Variants in PKHD1 observed in about 807,000 individuals in gnomAD.
The protein encoded by PKHD1 is fibrocystin.
PKHD1 carries 291 observed loss-of-function variants against 412.0 expected under a neutral mutation model. That is an observed-to-expected ratio of 0.71 (90% confidence interval 0.64 to 0.78). The LOEUF is 0.78. PKHD1 is among the 30% of genes least tolerant of loss of function. The pLI is 0.00. For missense variants in PKHD1, 4,825 were observed against 4,950.7 expected (o/e 0.97, Z 0.76); for synonymous variants, 1,777 against 1,821.5 (o/e 0.98, Z 0.62).
At chr6:51,757,768 C>T (rs1787263816) in intron 55 of PKHD1, among the ~76,000 whole-genome samples, 1 of 151,798 alleles carries the variant, frequency 6.6e-6, no homozygotes, top group African/African-American at 2.4e-5. Flanking sequence ...TTTGGGAAGC[C>T]AAGACAGGAA....
At chr6:51,916,446 G>A (rs1309819284) in intron 37 of PKHD1, among the ~76,000 whole-genome samples, 1 of 152,004 alleles carries the variant, frequency 6.6e-6, no homozygotes, top group East Asian at 1.9e-4. Flanking sequence ...ATTCTTCAAG[G>A]ACAAGATTAT....
At chr6:51,795,250 G>A (rs112262457) in intron 52 of PKHD1, among the ~76,000 whole-genome samples, 5,751 of 152,188 alleles carry the variant, frequency 0.038, 162 homozygotes, top group Non-Finnish European at 0.063. Context: ...CACTTCCCTT[G>A]TTAGCTGTAT....
At chr6:51,742,899 A>G (rs1374151976) in intron 60 of PKHD1, among the ~76,000 whole-genome samples, 1 of 152,172 alleles carries the variant, frequency 6.6e-6, no homozygotes, top group Non-Finnish European at 1.5e-5. Context: ...AGGGTACCTT[A>G]TTTGAACAGC....
chr6:51,628,549 T>C (rs1487891746), intron 65 of PKHD1, among the ~76,000 whole-genome samples: 2 of 152,228 alleles, frequency 1.3e-5, no homozygotes, highest in Non-Finnish European at 2.9e-5. Flanking sequence ...CAAATACATG[T>C]GTCCTTTTGG....
At chr6:51,707,220 TG>T in intron 60 of PKHD1, among the ~76,000 whole-genome samples, 1 of 152,294 alleles carries the variant, frequency 6.6e-6, no homozygotes, top group Middle Eastern at 3.4e-3. Flanking sequence ...GAACTAAAAA[TG>T]GTATCTGAAA....
chr6:51,650,656 G>A (rs1770796542), intron 61 of PKHD1, among the ~76,000 whole-genome samples: 1 of 152,084 alleles, frequency 6.6e-6, no homozygotes, highest in Non-Finnish European at 1.5e-5. Context: ...CACTAAATAT[G>A]AAGTTTCCAT....
chr6:51,901,712 T>G (rs1428824072), intron 43 of PKHD1, among the ~76,000 whole-genome samples: 2 of 150,670 alleles, frequency 1.3e-5, no homozygotes, highest in Non-Finnish European at 2.9e-5. Flanking sequence ...AAAAGAACTT[T>G]AAGGTCACCA....
intron 60 of PKHD1, among the ~76,000 whole-genome samples, chr6:51,661,251 T>TTAGATA (rs879450250): frequency 2.0e-4 from 30 of 151,904 alleles, no homozygotes; most frequent in African/African-American, 6.0e-4. Context: ...CAGATATAGA[T>TTAGATA]TAGATATAGA....
chr6:52,034,348 A>T (rs1803589008), intron 28 of PKHD1, among the ~76,000 whole-genome samples: 1 of 142,026 alleles, frequency 7.0e-6, no homozygotes. Context: ...GACTTGAAGA[A>T]GGGGGAGGAG....
intron 52 of PKHD1, among the ~76,000 whole-genome samples, chr6:51,796,443 A>C (rs1472355723): frequency 2.3e-4 from 25 of 109,114 alleles, no homozygotes; most frequent in African/African-American, 7.2e-4. Flanking sequence ...TTTTTTTTTC[A>C]AAAAAATCCT....
At chr6:51,951,578 G>A (rs971722995) in intron 36 of PKHD1, among the ~76,000 whole-genome samples, 1 of 151,858 alleles carries the variant, frequency 6.6e-6, no homozygotes, top group African/African-American at 2.4e-5. Flanking sequence ...TAATAGTATT[G>A]GAAATAAAAG....
chr6:51,833,233 G>T (rs1231788589), intron 51 of PKHD1, among the ~76,000 whole-genome samples: 1 of 152,128 alleles, frequency 6.6e-6, no homozygotes, highest in Non-Finnish European at 1.5e-5. Flanking sequence ...TATCACAGAT[G>T]ATGGAAACAA....
chr6:51,831,923 C>A (rs1485457403), intron 51 of PKHD1, among the ~76,000 whole-genome samples: 1 of 152,064 alleles, frequency 6.6e-6, no homozygotes. Context: ...CTTGTTCTTT[C>A]CTGGGATGTG....
intron 60 of PKHD1, among the ~76,000 whole-genome samples, chr6:51,684,809 T>C (rs1015893674): frequency 6.6e-6 from 1 of 152,104 alleles, no homozygotes; most frequent in Non-Finnish European, 1.5e-5. Flanking sequence ...TGAGAAAAGT[T>C]TGGCAAAAGG....
At chr6:51,947,931 C>T (rs890587299) in intron 36 of PKHD1, among the ~76,000 whole-genome samples, 1 of 152,142 alleles carries the variant, frequency 6.6e-6, no homozygotes, top group Non-Finnish European at 1.5e-5. Flanking sequence ...GATCTTCCCT[C>T]AGTCCTTCCC....
intron 35 of PKHD1, among the ~76,000 whole-genome samples, chr6:51,971,567 A>G (rs577254852): frequency 3.3e-5 from 5 of 152,308 alleles, no homozygotes; most frequent in African/African-American, 1.2e-4. Flanking sequence ...AGTAAATACC[A>G]CAAGGACTTC....
At chr6:51,719,711 C>G (rs1286312109) in intron 60 of PKHD1, among the ~76,000 whole-genome samples, 1 of 152,104 alleles carries the variant, frequency 6.6e-6, no homozygotes, top group Non-Finnish European at 1.5e-5. Context: ...TATAATTTGA[C>G]AAATTATATT....
At chr6:51,834,250 GA>G (rs1375517045) in intron 51 of PKHD1, among the ~76,000 whole-genome samples, 1 of 152,146 alleles carries the variant, frequency 6.6e-6, no homozygotes, top group African/African-American at 2.4e-5. Flanking sequence ...GCTGATGGGG[GA>G]AAGTGTGGAA....
chr6:51,625,224 G>A (rs1767086482), intron 66 of PKHD1, among the ~76,000 whole-genome samples: 1 of 152,112 alleles, frequency 6.6e-6, no homozygotes, highest in Non-Finnish European at 1.5e-5. Flanking sequence ...AAGTGCTGGA[G>A]AGAGAGAGAC....
Sources: gnomAD v4.1 joint callset for allele counts (sites outside exome capture counted in the v4.1 genomes callset) on GRCh38, gnomAD v4.1.1 for gene constraint, MANE v1.5 for transcripts, NCBI Gene and HGNC (gene_info 2026-07-23, HGNC 2026-07-21) for gene names.